Variants in TRAPPC8 observed in about 807,000 individuals in gnomAD.
TRAPPC8 encodes trafficking protein particle complex subunit 8.
A neutral mutation model predicts 174.3 loss-of-function variants in TRAPPC8; 54 were observed. The ratio of observed to expected loss-of-function variants is 0.31; its 90% CI spans 0.25 to 0.39. The LOEUF is 0.39. Ranked by LOEUF, TRAPPC8 falls within the 10% of genes least tolerant of loss-of-function variation. The pLI is 1.00. For missense variants in TRAPPC8, 1,531 were observed against 1,699.1 expected (o/e 0.90, Z 1.74); for synonymous variants, 630 against 579.9 (o/e 1.09, Z -1.24).
chr18:31,872,206 CTTTCTG>C (rs2034902190), intron 14 of TRAPPC8, among the ~76,000 whole-genome samples: 1 of 151,936 alleles, frequency 6.6e-6, no homozygotes, highest in African/African-American at 2.4e-5. Context: ...TAGTATTTGA[CTTTCTG>C]TTTCTGAGTT....
chr18:31,845,603 C>T (rs2033358002), intron 26 of TRAPPC8, among the ~76,000 whole-genome samples: 1 of 151,990 alleles, frequency 6.6e-6, no homozygotes, highest in South Asian at 2.1e-4. Context: ...AAAACTAATA[C>T]ATATGTAAAT....
At chr18:31,906,605 AAC>A (rs2036671561) in intron 9 of TRAPPC8, among the ~76,000 whole-genome samples, 1 of 152,230 alleles carries the variant, frequency 6.6e-6, no homozygotes, top group South Asian at 2.1e-4. Flanking sequence ...AATAAAAAGT[AAC>A]AGTGCTAATT....
chr18:31,841,302 T>C (rs138728530), intron 26 of TRAPPC8, among the ~76,000 whole-genome samples: 21 of 152,124 alleles, frequency 1.4e-4, no homozygotes, highest in African/African-American at 4.1e-4. Context: ...AAATTTTTTA[T>C]CTTTCCAATT....
At chr18:31,932,513 T>C (rs1486372501) in intron 1 of TRAPPC8, among the ~76,000 whole-genome samples, 1 of 152,052 alleles carries the variant, frequency 6.6e-6, no homozygotes. Context: ...CACCGTCCTA[T>C]AGTCCTTGTT....
rs2032264458 is a variant in TRAPPC8, at chr18:31,830,024, CTT to C, written c.*729_*730del. 2 of 152,316 alleles carry C rather than the reference CTT, an allele frequency of 1.3e-5. No individual in the cohort carries two copies. The allele number at this position is 152,316 out of a possible 1,614,324, so 9.4% of individuals were successfully genotyped here. A position where few individuals can be genotyped will look rare whatever the true frequency, so the allele number is the denominator to read the frequency against. ...TTTTGAAAAGCTTATTTTTAATTAA[CTT>C]GAGATTTATATTTTAAACAGATCAA... On this transcript the variant is annotated 3_prime_UTR_variant, in exon 29 of 29. Transcript: ENST00000283351.
At chr18:31,936,366 A>G (rs752725435) in intron 1 of TRAPPC8, among the ~76,000 whole-genome samples, 1 of 152,050 alleles carries the variant, frequency 6.6e-6, no homozygotes, top group Non-Finnish European at 1.5e-5. Context: ...CAGGAGGCCA[A>G]TGTGGAATGA....
chr18:31,917,064 C>T (rs911400118), intron 3 of TRAPPC8, among the ~76,000 whole-genome samples: 3 of 152,084 alleles, frequency 2.0e-5, no homozygotes, highest in Non-Finnish European at 4.4e-5. Flanking sequence ...CTGCATCTTG[C>T]TTCTCTCCAC....
intron 12 of TRAPPC8, among the ~76,000 whole-genome samples, chr18:31,888,146 GA>G (rs911477768): frequency 2.0e-5 from 3 of 151,860 alleles, no homozygotes; most frequent in Non-Finnish European, 2.9e-5. Flanking sequence ...AAAAACATAT[GA>G]AAAAAAAGAA....
intron 11 of TRAPPC8, among the ~76,000 whole-genome samples, chr18:31,892,072 G>A (rs1240843206): frequency 6.6e-6 from 1 of 152,152 alleles, no homozygotes; most frequent in East Asian, 1.9e-4. Flanking sequence ...ACTTAGGGGA[G>A]CTTGGGAGCC....
intron 2 of TRAPPC8, among the ~76,000 whole-genome samples, chr18:31,929,503 T>C (rs1161926618): frequency 6.6e-6 from 1 of 151,820 alleles, no homozygotes; most frequent in Non-Finnish European, 1.5e-5. Flanking sequence ...CTCCAGCCTG[T>C]GTGACAGAGA....
intron 9 of TRAPPC8, among the ~76,000 whole-genome samples, chr18:31,905,974 G>A (rs1026982849): frequency 2.0e-5 from 3 of 152,068 alleles, no homozygotes; most frequent in Non-Finnish European, 4.4e-5. Flanking sequence ...TAAATTGGAT[G>A]ACTATAATGA....
At chr18:31,936,593 A>C (rs1330486976) in intron 1 of TRAPPC8, among the ~76,000 whole-genome samples, 1 of 152,158 alleles carries the variant, frequency 6.6e-6, no homozygotes, top group African/African-American at 2.4e-5. Flanking sequence ...GATTGATGAA[A>C]TATTTCCAAC....
chr18:31,864,175 G>C (rs2034475546), intron 19 of TRAPPC8, among the ~76,000 whole-genome samples: 2 of 151,254 alleles, frequency 1.3e-5, no homozygotes, highest in Admixed American at 1.3e-4. Context: ...CCTAGCAACA[G>C]GTTCTATCTT....
Position 31,857,774 on chromosome 18 carries a change from A to C in TRAPPC8, c.2954T>G (p.Val985Gly), listed in dbSNP as rs201340187. The C allele has an allele frequency of 1.9e-6, 3 of 1,614,192 alleles. No individual in the cohort carries two copies. The highest frequency in any genetic ancestry group is 1.7e-6 in the Non-Finnish European group (2 of 1,180,024). Residue 985 changes from valine to glycine, a missense_variant, in exon 20 of 29, where the codon GTG (valine) becomes GGG (glycine). By Grantham distance (109) the Val-to-Gly change is moderately radical. Coordinates refer to ENST00000283351, the MANE Select transcript of TRAPPC8 (RefSeq NM_014939.5). Reference sequence around the variant, plus strand: ...TGTACACACAGAGGTAGCATCTGTCACAACAGTCTTGTAAGCACTACAATT... The same window carrying C: ...TGTACACACAGAGGTAGCATCTGTCCCAACAGTCTTGTAAGCACTACAATT... Reference protein sequence around the residue: ...SENCSAYKTVVTDATSVCTAL... With the variant: ...SENCSAYKTVGTDATSVCTAL...
Position 31,857,795 on chromosome 18 carries a change from C to A in TRAPPC8, c.2933G>T (p.Cys978Phe), listed in dbSNP as rs777415531. ...TGTCACAACAGTCTTGTAAGCACTA[C>A]AATTCTCAGAAGCTGAGGGACTTAG... is the stretch of plus-strand genomic sequence containing the variant. The part of the protein sequence containing the change: ...TPLSPSASEN[C>F]SAYKTVVTDA... The change falls in exon 20 of 29, where the codon TGT (cysteine) becomes TTT (phenylalanine). Residue 978 changes from cysteine to phenylalanine, a missense_variant. Cys to Phe is a radical substitution (Grantham distance 205). Transcript: ENST00000283351. The A allele has an allele frequency of 1.2e-6, 2 of 1,614,032 alleles. No individual in the cohort carries two copies. Among genetic ancestry groups the A allele is most frequent in the African/African-American group, 2.7e-5 (2 of 74,910 alleles).
intron 11 of TRAPPC8, 111 bp from the exon 12 acceptor site, chr18:31,890,977 C>T: frequency 2.0e-6 from 2 of 1,024,054 alleles, no homozygotes; most frequent in Non-Finnish European, 2.6e-6. Flanking sequence ...CAATGTTTAA[C>T]TTAAGAGTAT....
chr18:31,900,434 CAT>C (rs2036370662), intron 10 of TRAPPC8, among the ~76,000 whole-genome samples: 3 of 152,194 alleles, frequency 2.0e-5, no homozygotes, highest in Non-Finnish European at 2.9e-5. Context: ...GATACGTCTT[CAT>C]GGTTATCAAG....
intron 25 of TRAPPC8, among the ~76,000 whole-genome samples, chr18:31,848,083 C>T (rs994487879): frequency 3.3e-5 from 5 of 151,984 alleles, no homozygotes; most frequent in Non-Finnish European, 7.4e-5. Context: ...TTATCCAGAA[C>T]TCTAACTAAA....
chr18:31,887,216 G>A (rs1319407269), intron 12 of TRAPPC8, among the ~76,000 whole-genome samples: 1 of 152,066 alleles, frequency 6.6e-6, no homozygotes, highest in Non-Finnish European at 1.5e-5. Flanking sequence ...TAAAGGTAAT[G>A]TATCACATAA....
Sources: allele counts gnomAD v4.1 joint callset (sites outside exome capture counted in the v4.1 genomes callset), GRCh38; gene constraint gnomAD v4.1.1; transcripts MANE v1.5; gene names NCBI Gene and HGNC (gene_info 2026-07-23, HGNC 2026-07-21).